Variants in CSMD1 observed in about 807,000 individuals in gnomAD.
CSMD1 encodes the protein CUB and Sushi multiple domains 1.
Under a neutral mutation model 417.5 loss-of-function variants are expected in CSMD1, and 213 were observed. That is an observed-to-expected ratio of 0.51 (90% CI 0.46 to 0.57). The LOEUF is 0.57. CSMD1 is among the 20% of genes least tolerant of loss of function. The pLI, the probability that CSMD1 is intolerant of heterozygous loss-of-function variation, is 0.00. For missense variants in CSMD1, 6,923 were observed against 4,529.7 expected, an observed-to-expected ratio of 1.53 and a Z score of -15.17; for synonymous variants, 2,862 against 1,736.8, an observed-to-expected ratio of 1.65 and a Z score of -16.11.
chr8:3,173,264 G>A (rs774285879), intron 37 of CSMD1, among the ~76,000 whole-genome samples: 2 of 152,104 alleles, frequency 1.3e-5, no homozygotes, highest in Non-Finnish European at 2.9e-5. Flanking sequence ...AATATTGAAT[G>A]CCTAAAGTAA....
chr8:3,379,570 A>G (rs747798419), intron 18 of CSMD1, among the ~76,000 whole-genome samples: 2 of 152,232 alleles, frequency 1.3e-5, no homozygotes, highest in Non-Finnish European at 2.9e-5. Context: ...ATGGAACAGA[A>G]CAGAGGTCTC....
rs145635766 is a variant in CSMD1, at chr8:4,443,384, G to T, written c.303-23319C>A. ...TGAAACAACGGCTTTGATAACAAAG[G>T]CAACAAAACACAGTTCCAAGAAAAT... is the stretch of plus-strand genomic sequence containing the variant. On this transcript the variant is annotated intron_variant, in intron 2 of 69. Coordinates refer to ENST00000635120, the MANE Select transcript of CSMD1 (RefSeq NM_033225.6). Among the ~76,000 whole-genome samples the T allele has an allele frequency of 2.1e-3, 327 of 152,214 alleles. 1 individual carries two copies. The highest frequency in any genetic ancestry group is 7.7e-3 in the African/African-American group (321 of 41,518).
chr8:3,142,822 G>A, intron 40 of CSMD1, 148 bp from the exon 41 acceptor site: 1 of 729,902 alleles, frequency 1.4e-6, no homozygotes, highest in Non-Finnish European at 2.3e-6. Flanking sequence ...CATTCACTGT[G>A]GATGACAGCA....
At chr8:2,965,542 T>TC (rs938818445) in intron 59 of CSMD1, among the ~76,000 whole-genome samples, 1 of 152,158 alleles carries the variant, frequency 6.6e-6, no homozygotes, top group Non-Finnish European at 1.5e-5. Flanking sequence ...CATCTCCAGT[T>TC]CCTGGTTTGT....
rs569914967 is a variant in CSMD1, at chr8:4,639,337, G to C, written c.86-1779C>G. On this transcript the variant is annotated intron_variant, in intron 1 of 69. Transcript: ENST00000635120. ...GCCTGGGCCAATCCAACTGAAGCAA[G>C]AGGAGCCAAAGCTGAAAACGGGGCA... 3.2e-3 allele frequency among the ~76,000 whole-genome samples: 472 copies of C among 148,842 alleles called. 3 individuals are homozygous for C. Among genetic ancestry groups the C allele is most frequent in the African/African-American group, 0.011 (457 of 40,180 alleles).
intron 2 of CSMD1, among the ~76,000 whole-genome samples, chr8:4,486,975 T>A (rs1449383584): frequency 1.3e-5 from 2 of 152,160 alleles, no homozygotes; most frequent in African/African-American, 4.8e-5. Flanking sequence ...GATGCACAGC[T>A]GACGGCTACA....
At chr8:3,809,763 G>C (rs1313828837) in intron 5 of CSMD1, among the ~76,000 whole-genome samples, 1 of 152,140 alleles carries the variant, frequency 6.6e-6, no homozygotes. Flanking sequence ...TGAGACAACA[G>C]GAAAGTATTA....
At chr8:3,743,934 A>G (rs1796937697) in intron 6 of CSMD1, among the ~76,000 whole-genome samples, 3 of 152,158 alleles carry the variant, frequency 2.0e-5, no homozygotes, top group African/African-American at 4.8e-5. Context: ...TACATAAAAA[A>G]TTGGAGAATC....
intron 2 of CSMD1, among the ~76,000 whole-genome samples, chr8:4,622,167 A>G (rs1397195962): frequency 6.7e-6 from 1 of 148,758 alleles, no homozygotes; most frequent in Non-Finnish European, 1.5e-5. Flanking sequence ...AGGGGTAAAG[A>G]GAATTAAAAA....
chr8:4,679,665 C>A (rs1054185395), intron 1 of CSMD1, among the ~76,000 whole-genome samples: 1 of 152,108 alleles, frequency 6.6e-6, no homozygotes, highest in Non-Finnish European at 1.5e-5. Flanking sequence ...TTAGGAGGAT[C>A]AAACAACATA....
chr8:4,727,286 G>A lies in CSMD1; in HGVS notation c.86-89728C>T, dbSNP rs565470124. Among the ~76,000 whole-genome samples the A allele has an allele frequency of 6.0e-4, 91 of 152,268 alleles. 1 individual carries two copies. Among genetic ancestry groups the A allele is most frequent in the African/African-American group, 2.2e-3 (91 of 41,538 alleles). ...CAGTTAATGTCTACCGGTGAAGTCT[G>A]TAACAATAATTAAGTAATTTAATTA... On this transcript the variant is annotated intron_variant, in intron 1 of 69. Transcript: ENST00000635120.
chr8:4,384,159 C>G (rs1584991562), intron 3 of CSMD1, among the ~76,000 whole-genome samples: 4 of 152,254 alleles, frequency 2.6e-5, no homozygotes, highest in Admixed American at 2.6e-4. Flanking sequence ...CTTGGGAATG[C>G]CAGGATTCTC....
intron 7 of CSMD1, among the ~76,000 whole-genome samples, chr8:3,663,768 A>G (rs1327546957): frequency 6.6e-6 from 1 of 152,132 alleles, no homozygotes; most frequent in East Asian, 1.9e-4. Flanking sequence ...CGTTCACCTC[A>G]CATATGCTGA....
chr8:4,770,411 C>A (rs1197303389), intron 1 of CSMD1, among the ~76,000 whole-genome samples: 1 of 148,788 alleles, frequency 6.7e-6, no homozygotes, highest in Non-Finnish European at 1.5e-5. Context: ...ATATATATTT[C>A]CTAATTCTTA....
chr8:4,006,524 CAG>C (rs993292380), intron 4 of CSMD1, among the ~76,000 whole-genome samples: 1 of 152,140 alleles, frequency 6.6e-6, no homozygotes, highest in Non-Finnish European at 1.5e-5. Context: ...GCCTGAGCGA[CAG>C]AGTGAGGCCT....
chr8:3,699,786 A>T (rs1425143271), intron 7 of CSMD1, among the ~76,000 whole-genome samples: 1 of 152,172 alleles, frequency 6.6e-6, no homozygotes, highest in Non-Finnish European at 1.5e-5. Context: ...GTGAGTGAAG[A>T]TGTGAAATAT....
At chr8:4,740,846 G>A (rs916929590) in intron 1 of CSMD1, among the ~76,000 whole-genome samples, 1 of 152,112 alleles carries the variant, frequency 6.6e-6, no homozygotes, top group African/African-American at 2.4e-5. Flanking sequence ...TAAAGAACAC[G>A]AACTTTAACG....
At chr8:4,042,887 G>A (rs983481537) in intron 3 of CSMD1, among the ~76,000 whole-genome samples, 2 of 141,704 alleles carry the variant, frequency 1.4e-5, no homozygotes, top group Non-Finnish European at 3.0e-5. Context: ...CAGTACTTTG[G>A]GAGGCTGAGG....
At chr8:3,750,653 G>T (rs1313871567) in intron 6 of CSMD1, among the ~76,000 whole-genome samples, 1 of 152,104 alleles carries the variant, frequency 6.6e-6, no homozygotes, top group African/African-American at 2.4e-5. Context: ...CTGAACAAAT[G>T]TTTTCCCTGC....
Sources: gnomAD v4.1 joint callset for allele counts (sites outside exome capture counted in the v4.1 genomes callset) on GRCh38, gnomAD v4.1.1 for gene constraint, MANE v1.5 for transcripts, NCBI Gene and HGNC (gene_info 2026-07-23, HGNC 2026-07-21) for gene names.